Variants in CACNA2D1 observed in about 807,000 individuals in gnomAD.
CACNA2D1 encodes the protein voltage-dependent calcium channel subunit alpha-2/delta-1.
CACNA2D1 carries 53 observed loss-of-function variants against 171.5 expected under a neutral mutation model. The observed-to-expected ratio is 0.31, with a 90% CI of 0.25 to 0.39. CACNA2D1 has a LOEUF of 0.39. Among genes scored for constraint, CACNA2D1 ranks in the 10% least tolerant of loss-of-function variants. The pLI, the probability that CACNA2D1 is intolerant of heterozygous loss-of-function variation, is 1.00. For missense variants in CACNA2D1, 903 were observed against 1,299.8 expected (o/e 0.69, Z 4.69); for synonymous variants, 442 against 443.1 (o/e 1.00, Z 0.03).
rs1826633598 is a variant in CACNA2D1, at chr7:82,403,187, T to C, written c.95+40178A>G. Reference sequence around the variant, plus strand: ...GACGGAGATAAAAAGGGGTCTAAGTTTGAACTTCTTAAATACATCTTGGTG... The same window carrying C: ...GACGGAGATAAAAAGGGGTCTAAGTCTGAACTTCTTAAATACATCTTGGTG... On this transcript the variant is annotated intron_variant, in intron 1 of 38. Coordinates refer to ENST00000356860, the MANE Select transcript of CACNA2D1 (RefSeq NM_000722.4). Among the ~76,000 whole-genome samples, 4 of 152,176 alleles carry C rather than the reference T, an allele frequency of 2.6e-5. No homozygotes were observed. In the East Asian group the frequency reaches 5.8e-4, roughly 22 times the overall value.
chr7:81,978,807 T>C (rs1380631729), intron 24 of CACNA2D1, among the ~76,000 whole-genome samples: 1 of 76,300 alleles, frequency 1.3e-5, no homozygotes, highest in Non-Finnish European at 2.7e-5. Context: ...AGCACATATA[T>C]ATATATATAT....
In CACNA2D1 at chr7:82,416,578, G is replaced by C. The variant is rs181844462; in HGVS notation, c.95+26787C>G. On this transcript the variant is annotated intron_variant, in intron 1 of 38. Transcript: ENST00000356860. ...GCTACTAGTAATTCTTTGGTGTATGGCAGCATAACTCCAGCCTTCACATGC... is the reference window on the plus strand; with the variant it reads ...GCTACTAGTAATTCTTTGGTGTATGCCAGCATAACTCCAGCCTTCACATGC... Among the ~76,000 whole-genome samples, 153 of 152,192 alleles carry C rather than the reference G, an allele frequency of 1.0e-3. 1 individual carries two copies. Among genetic ancestry groups the C allele is most frequent in the African/African-American group, 3.6e-3 (148 of 41,528 alleles).
At chr7:82,279,690 C>T (rs1197397080) in intron 3 of CACNA2D1, among the ~76,000 whole-genome samples, 1 of 152,134 alleles carries the variant, frequency 6.6e-6, no homozygotes, top group Non-Finnish European at 1.5e-5. Flanking sequence ...CTGCAGGGTT[C>T]CCATAACCTA....
At chr7:82,294,078 G>A (rs1207490394) in intron 3 of CACNA2D1, among the ~76,000 whole-genome samples, 1 of 151,782 alleles carries the variant, frequency 6.6e-6, no homozygotes, top group Admixed American at 6.6e-5. Context: ...TATTCCAATG[G>A]GGCATTTGAA....
chr7:81,986,992 A>G (rs1389061655), intron 21 of CACNA2D1, among the ~76,000 whole-genome samples: 2 of 152,212 alleles, frequency 1.3e-5, no homozygotes, highest in Middle Eastern at 3.2e-3. Context: ...ATAACATTAT[A>G]TCATACAACT....
At chr7:82,137,656 G>A (rs1159890747) in intron 4 of CACNA2D1, among the ~76,000 whole-genome samples, 4 of 146,822 alleles carry the variant, frequency 2.7e-5, no homozygotes, top group Non-Finnish European at 4.5e-5. Context: ...TGGATCATGA[G>A]GTCAGGAGAT....
At chr7:82,016,144 A>G (rs989740077) in intron 12 of CACNA2D1, among the ~76,000 whole-genome samples, 1 of 152,150 alleles carries the variant, frequency 6.6e-6, no homozygotes, top group East Asian at 1.9e-4. Context: ...CAGTTAGGTC[A>G]TTTTTGGGTC....
intron 3 of CACNA2D1, among the ~76,000 whole-genome samples, chr7:82,175,085 T>G (rs1409379933): frequency 6.6e-6 from 1 of 151,974 alleles, no homozygotes; most frequent in Non-Finnish European, 1.5e-5. Flanking sequence ...TTTCCAAACA[T>G]GTAAGTAACT....
At chr7:81,951,956 C>T (rs1455974266) in intron 38 of CACNA2D1, among the ~76,000 whole-genome samples, 2 of 96,730 alleles carry the variant, frequency 2.1e-5, no homozygotes, top group South Asian at 3.5e-4. Context: ...TTCCCACCAG[C>T]AGTGTACAAA....
At chr7:82,110,475 G>A (rs1350158745) in intron 6 of CACNA2D1, among the ~76,000 whole-genome samples, 1 of 152,076 alleles carries the variant, frequency 6.6e-6, no homozygotes, top group Non-Finnish European at 1.5e-5. Context: ...CTCCAAAACT[G>A]TAAGAAATAC....
At chr7:82,420,205 T>C (rs571923457) in intron 1 of CACNA2D1, among the ~76,000 whole-genome samples, 1 of 152,346 alleles carries the variant, frequency 6.6e-6, no homozygotes, top group Non-Finnish European at 1.5e-5. Context: ...GATACGATTC[T>C]CCTACCTTGT....
At chr7:82,238,881 G>A (rs1308786432) in intron 3 of CACNA2D1, among the ~76,000 whole-genome samples, 3 of 151,996 alleles carry the variant, frequency 2.0e-5, no homozygotes. Context: ...GGAATAAACG[G>A]GGCAATTGGA....
At chr7:82,184,169 C>CTTTTTTTTTT (rs72155870) in intron 3 of CACNA2D1, among the ~76,000 whole-genome samples, 2 of 127,420 alleles carry the variant, frequency 1.6e-5, no homozygotes, top group African/African-American at 5.8e-5. Flanking sequence ...TCGGTTTCCT[C>CTTTTTTTTTT]TTTTTTTTTT....
intron 38 of CACNA2D1, among the ~76,000 whole-genome samples, chr7:81,952,894 A>G (rs1298214498): frequency 1.3e-5 from 2 of 151,986 alleles, no homozygotes; most frequent in African/African-American, 2.4e-5. Context: ...GGGATTTCAA[A>G]CTTGACTTGC....
chr7:81,986,054 A>G (rs1474252339), intron 21 of CACNA2D1, among the ~76,000 whole-genome samples: 4 of 152,226 alleles, frequency 2.6e-5, no homozygotes, highest in Non-Finnish European at 5.9e-5. Flanking sequence ...ACACAACTGC[A>G]TATGTGTAAT....
chr7:82,399,301 G>C (rs558044794), intron 1 of CACNA2D1, among the ~76,000 whole-genome samples: 1 of 151,992 alleles, frequency 6.6e-6, no homozygotes, highest in Non-Finnish European at 1.5e-5. Context: ...TTAGCCAGGC[G>C]TGGTGGGGGA....
intron 3 of CACNA2D1, among the ~76,000 whole-genome samples, chr7:82,179,087 C>T (rs916065241): frequency 1.3e-5 from 2 of 152,136 alleles, no homozygotes; most frequent in Admixed American, 6.6e-5. Flanking sequence ...ACATCACCAC[C>T]TAATTCTTAA....
chr7:81,997,206 T>C lies in CACNA2D1; in HGVS notation c.1635A>G (p.Ala545=), dbSNP rs540691116. 1.1e-5 allele frequency: 17 copies of C among 1,606,900 alleles called. 1 individual carries two copies. Among genetic ancestry groups the C allele is most frequent in the Middle Eastern group, 3.3e-4 (2 of 6,066 alleles). Residue 545 remains alanine, a synonymous_variant, in exon 19 of 39, where the codon GCA becomes GCG. Transcript: ENST00000356860. ...QEPVTLDFLD[A]ELENDIKVEI... The stretch of plus-strand genomic sequence containing the variant: ...CCACTTTAATATCATTCTCTAACTC[T>C]GCATCAAGGAAATCCAATGTTACTG...
chr7:82,060,074 C>A (rs1806440371), intron 10 of CACNA2D1, among the ~76,000 whole-genome samples: 1 of 103,724 alleles, frequency 9.6e-6, no homozygotes, highest in Non-Finnish European at 1.9e-5. Flanking sequence ...TGCAGCACAG[C>A]AACATGGCAC....
Sources: gnomAD v4.1 joint callset for allele counts (sites outside exome capture counted in the v4.1 genomes callset) on GRCh38, gnomAD v4.1.1 for gene constraint, MANE v1.5 for transcripts, NCBI Gene and HGNC (gene_info 2026-07-23, HGNC 2026-07-21) for gene names.